Variants in CFTR observed in about 807,000 individuals in gnomAD.
CFTR encodes cystic fibrosis transmembrane conductance regulator.
CFTR carries 181 observed loss-of-function variants against 171.6 expected under a neutral mutation model. The ratio of observed to expected loss-of-function variants is 1.05; its 90% CI spans 0.93 to 1.19. The LOEUF (loss-of-function observed/expected upper bound fraction) is 1.19, where lower values mean the gene tolerates loss of function less well. CFTR is among the 50% of genes most tolerant of loss of function. The pLI, the probability that CFTR is intolerant of heterozygous loss-of-function variation, is 0.00. For synonymous variants in CFTR, 583 were observed against 608.0 expected (o/e 0.96, Z 0.60); for missense variants, 1,968 against 1,734.7 (o/e 1.13, Z -2.39).
intron 9 of CFTR, among the ~76,000 whole-genome samples, chr7:117,545,294 A>T (rs1009046721): frequency 1.3e-5 from 2 of 152,190 alleles, no homozygotes; most frequent in African/African-American, 4.8e-5. Context: ...CCCACAACAC[A>T]TGGGAATTAT....
chr7:117,610,426 A>T (rs75135378), intron 18 of CFTR, 93 bp from the exon 19 acceptor site: 1 of 131,694 alleles, frequency 7.6e-6, no homozygotes, highest in Non-Finnish European at 1.1e-5. Context: ...TAAAGTATGC[A>T]AAAAAAAAAA....
intron 3 of CFTR, among the ~76,000 whole-genome samples, chr7:117,521,985 T>C: frequency 6.6e-6 from 1 of 152,126 alleles, no homozygotes; most frequent in East Asian, 1.9e-4. Flanking sequence ...TACAATAACT[T>C]TGAAGCTCTG....
chr7:117,498,931 T>C (rs1472816467), intron 1 of CFTR, among the ~76,000 whole-genome samples: 1 of 151,896 alleles, frequency 6.6e-6, no homozygotes, highest in South Asian at 2.1e-4. Flanking sequence ...CTACACAAAC[T>C]AGAGTAATTG....
chr7:117,518,595 T>C (rs1349857829), intron 3 of CFTR, among the ~76,000 whole-genome samples: 2 of 149,442 alleles, frequency 1.3e-5, no homozygotes, highest in African/African-American at 2.5e-5. Flanking sequence ...TATATGTGTG[T>C]TTTCTGCCTT....
At chr7:117,630,400 T>C (rs1034646830) in intron 22 of CFTR, among the ~76,000 whole-genome samples, 1 of 152,144 alleles carries the variant, frequency 6.6e-6, no homozygotes, top group Non-Finnish European at 1.5e-5. Flanking sequence ...AACTGAGCTG[T>C]GTATTTGAAC....
intron 11 of CFTR, among the ~76,000 whole-genome samples, chr7:117,580,108 A>G (rs1036140612): frequency 2.0e-5 from 3 of 152,068 alleles, no homozygotes; most frequent in African/African-American, 7.2e-5. Flanking sequence ...ATTTCATGAA[A>G]TGTTAACTGT....
rs558345228 is a variant in CFTR, at chr7:117,560,323, T to A, written c.1584+668T>A. Among the ~76,000 whole-genome samples, 14 of 152,288 alleles carry A rather than the reference T, an allele frequency of 9.2e-5. No individual in the cohort carries two copies. In the South Asian group the frequency reaches 2.7e-3, roughly 29 times the overall value. ...AGTATATGGATCTTGTGCTGTTCAC[T>A]ATGTAAATTGTGTGATGGTGGGTTC... On this transcript the variant is annotated intron_variant, in intron 11 of 26. Coordinates refer to ENST00000003084, the MANE Select transcript of CFTR (RefSeq NM_000492.4).
chr7:117,600,274 T>G (rs1562910681), intron 15 of CFTR, among the ~76,000 whole-genome samples: 1 of 151,944 alleles, frequency 6.6e-6, no homozygotes. Flanking sequence ...ACCAAATAAA[T>G]AGGCAAAAAA....
intron 11 of CFTR, among the ~76,000 whole-genome samples, chr7:117,573,516 A>G (rs1239090331): frequency 2.0e-5 from 3 of 152,146 alleles, no homozygotes; most frequent in Admixed American, 6.5e-5. Context: ...TAGTAATCAC[A>G]GGTCAAAATG....
intron 15 of CFTR, among the ~76,000 whole-genome samples, chr7:117,598,341 G>A (rs933795833): frequency 2.0e-5 from 3 of 152,142 alleles, no homozygotes; most frequent in Admixed American, 2.0e-4. Context: ...GCTACCTTCA[G>A]AGAATAAATG....
intron 23 of CFTR, among the ~76,000 whole-genome samples, chr7:117,643,805 A>C (rs1792955623): frequency 6.6e-6 from 1 of 152,180 alleles, no homozygotes; most frequent in African/African-American, 2.4e-5. Flanking sequence ...TTTTTAATGA[A>C]AAATGGTGAA....
intron 6 of CFTR, 31 bp from the exon 7 acceptor site, chr7:117,536,517 T>C (rs1314241816): frequency 2.1e-6 from 2 of 935,290 alleles, no homozygotes; most frequent in Non-Finnish European, 2.7e-6. Context: ...TACTATTAGA[T>C]TGATTGATTG....
intron 10 of CFTR, among the ~76,000 whole-genome samples, chr7:117,551,553 GTCT>G (rs1379811496): frequency 2.6e-5 from 4 of 152,138 alleles, no homozygotes; most frequent in Non-Finnish European, 5.9e-5. Flanking sequence ...AAAGGATCAT[GTCT>G]TCTTTATTTT....
At chr7:117,658,242 G>GA (rs904857736) in intron 24 of CFTR, among the ~76,000 whole-genome samples, 80 of 147,200 alleles carry the variant, frequency 5.4e-4, no homozygotes, top group African/African-American at 1.2e-3. Flanking sequence ...AATCCCAAGA[G>GA]AAAAAAAAAA....
rs397508528 is a variant in CFTR at position 117,530,952 on chromosome 7, T to C, written c.327T>C (p.Tyr109=). Residue 109 remains tyrosine (Y), a synonymous_variant, in exon 4 of 27, where the codon TAT becomes TAC. Transcript: ENST00000003084. The part of the protein sequence containing the change: ...PLLLGRIIAS[Y]DPDNKEERSI... ...TACTGGGAAGAATCATAGCTTCCTA[T>C]GACCCGGATAACAAGGAGGAACGCT... The C allele has an allele frequency of 6.2e-7, 1 of 1,613,854 alleles. No homozygotes were observed. Among genetic ancestry groups the C allele is most frequent in the Admixed American group, 1.7e-5 (1 of 59,940 alleles).
rs924652844 is a variant in CFTR, at chr7:117,484,520, C to T, written c.53+4373C>T. On this transcript the variant is annotated intron_variant, in intron 1 of 26. Coordinates refer to ENST00000003084, the MANE Select transcript of CFTR (RefSeq NM_000492.4). ...ACAAATGTTGACTTTCTACACCAGT[C>T]CCTCAATAGTCTTTTCTATTTATCC... Among the ~76,000 whole-genome samples the T allele has an allele frequency of 2.6e-5, 4 of 152,198 alleles. No homozygotes were observed. In the South Asian group the frequency reaches 6.2e-4, roughly 24 times the overall value.
chr7:117,660,426 G>A (rs1793254327), intron 24 of CFTR, among the ~76,000 whole-genome samples: 1 of 152,090 alleles, frequency 6.6e-6, no homozygotes, highest in Non-Finnish European at 1.5e-5. Flanking sequence ...GAGGTCAGGA[G>A]TTCAAGACCA....
At position 117,548,838 on chromosome 7, in the gene CFTR, C is replaced by T; in HGVS notation, c.1392+15C>T. The T allele has an allele frequency of 6.2e-7, 1 of 1,602,982 alleles. No homozygotes were observed. The highest frequency in any genetic ancestry group is 8.5e-7 in the Non-Finnish European group (1 of 1,173,498). On this transcript the variant is annotated intron_variant, in intron 10 of 26. Coordinates refer to ENST00000003084, the MANE Select transcript of CFTR (RefSeq NM_000492.4). ...GAGCAGGCAAGGTAGTTCTTTTGTT[C>T]TTCACTATTAAGAACTTAATTTGGT...
intron 1 of CFTR, among the ~76,000 whole-genome samples, chr7:117,499,879 G>A (rs1031338441): frequency 5.3e-4 from 80 of 152,222 alleles, no homozygotes; most frequent in African/African-American, 1.9e-3. Context: ...CAATGTAAAA[G>A]TCTGTCGTCA....
Sources: allele counts gnomAD v4.1 joint callset (sites outside exome capture counted in the v4.1 genomes callset), GRCh38; gene constraint gnomAD v4.1.1; transcripts MANE v1.5; gene names NCBI Gene and HGNC (gene_info 2026-07-23, HGNC 2026-07-21).